Variants in CBL observed in about 807,000 individuals in gnomAD.
CBL encodes the protein Cbl proto-oncogene, also known as E3 ubiquitin-protein ligase CBL.
Under a neutral mutation model 96.9 loss-of-function variants are expected in CBL, and 45 were observed. The ratio of observed to expected loss-of-function variants is 0.46; its 90% CI spans 0.37 to 0.60. CBL has a LOEUF of 0.60. Among genes scored for constraint, CBL ranks in the 20% least tolerant of loss-of-function variants. The pLI, the probability that CBL is intolerant of heterozygous loss-of-function variation, is 0.00. For missense variants in CBL, 1,024 were observed against 1,143.5 expected (o/e 0.90, Z 1.51); for synonymous variants, 420 against 426.8 (o/e 0.98, Z 0.20).
In CBL at chr11:119,212,116, T is replaced by G. The variant is rs1298136868; in HGVS notation, c.195+5504T>G. 1.2e-4 allele frequency among the ~76,000 whole-genome samples: 17 copies of G among 145,426 alleles called. No individual in the cohort carries two copies. The East Asian group carries it at 1.5e-3, about 13-fold the overall frequency. Reference sequence around the variant, plus strand: ...GTATTTTTAGTAGAGATGGGGTTTCTCCATGTTGGGCAGGCTGGTCTCGAA... The same window carrying G: ...GTATTTTTAGTAGAGATGGGGTTTCGCCATGTTGGGCAGGCTGGTCTCGAA... On this transcript the variant is annotated intron_variant, in intron 1 of 15. Transcript: ENST00000264033.
intron 1 of CBL, among the ~76,000 whole-genome samples, chr11:119,225,196 A>C (rs540206361): frequency 1.3e-5 from 2 of 152,002 alleles, no homozygotes; most frequent in Non-Finnish European, 2.9e-5. Context: ...TCCCGGGTTC[A>C]TGCAATTCTC....
intron 7 of CBL, 48 bp downstream of exon 7, chr11:119,277,892 G>A: frequency 1.6e-6 from 2 of 1,263,686 alleles, no homozygotes; most frequent in Non-Finnish European, 2.3e-6. Flanking sequence ...ACAAGCTTTA[G>A]TATATTCTTT....
intron 2 of CBL, 120 bp from the exon 3 acceptor site, chr11:119,271,615 A>G: frequency 1.2e-6 from 1 of 865,546 alleles, no homozygotes; most frequent in Non-Finnish European, 1.9e-6. Context: ...ATATTTGAAG[A>G]GGTTCTTTCT....
chr11:119,206,751 C>T (rs1949272754), intron 1 of CBL, 139 bp downstream of exon 1: 1 of 541,804 alleles, frequency 1.8e-6, no homozygotes, highest in Non-Finnish European at 2.6e-6. Flanking sequence ...GGGTGACCGG[C>T]CGGGGGCGTG....
At chr11:119,224,704 C>T (rs1285937001) in intron 1 of CBL, among the ~76,000 whole-genome samples, 4 of 151,012 alleles carry the variant, frequency 2.6e-5, no homozygotes, top group Admixed American at 1.3e-4. Flanking sequence ...GATTCTCCTG[C>T]GTCAGCCTCC....
At chr11:119,207,680 G>T (rs551936365) in intron 1 of CBL, among the ~76,000 whole-genome samples, 1 of 152,050 alleles carries the variant, frequency 6.6e-6, no homozygotes, top group Non-Finnish European at 1.5e-5. Flanking sequence ...AATTCAATAC[G>T]TTTTCTTGGT....
chr11:119,285,013 C>G lies in CBL; in HGVS notation c.1476C>G (p.Ser492=). The change falls in exon 10 of 16, where the codon TCC becomes TCG. Residue 492 remains serine, a synonymous_variant. Transcript: ENST00000264033. ...PSPFSMAPQA[S]LPPVPPRLDL... is the part of the protein sequence containing the mutation. ...CATTCTCCATGGCCCCACAAGCTTC[C>G]CTTCCCCCGGTGCCACCACGACTTG... 6.2e-7 allele frequency: 1 copy of G among 1,614,150 alleles called. No individual in the cohort carries two copies. Among genetic ancestry groups the G allele is most frequent in the Non-Finnish European group, 8.5e-7 (1 of 1,180,016 alleles).
rs1316940491 is a variant in CBL, at chr11:119,303,492, C to T, written c.*3711C>T. 4.3e-6 allele frequency: 1 copy of T among 233,574 alleles called. No individual in the cohort carries two copies. Among genetic ancestry groups the T allele is most frequent in the East Asian group, 6.0e-5 (1 of 16,596 alleles). The allele number at this position is 233,574 out of a possible 1,614,324, so 14.5% of individuals were successfully genotyped here. On this transcript the variant is annotated 3_prime_UTR_variant, in exon 16 of 16. Coordinates refer to ENST00000264033, the MANE Select transcript of CBL (RefSeq NM_005188.4). ...GATTGTACTTGGACTGTCATAGCCT[C>T]TGCGTTTGACCTTAAAATAGCTCTT...
chr11:119,253,153 G>A lies in CBL; in HGVS notation c.444-18582G>A, dbSNP rs186741341. ...ATTTCTCATTTCAAGTGTTCTCATA[G>A]TTTAATCATTTCAAAGTATAAACGT... On this transcript the variant is annotated intron_variant, in intron 2 of 15. Transcript: ENST00000264033. Among the ~76,000 whole-genome samples the A allele has an allele frequency of 1.7e-3, 266 of 152,138 alleles. 1 individual carries two copies. The highest frequency in any genetic ancestry group is 6.1e-3 in the African/African-American group (253 of 41,518).
rs1950127603 is a variant in CBL at position 119,305,363 on chromosome 11, T to C, written c.*5582T>C. On this transcript the variant is annotated 3_prime_UTR_variant, in exon 16 of 16. Coordinates refer to ENST00000264033, the MANE Select transcript of CBL (RefSeq NM_005188.4). The stretch of plus-strand genomic sequence containing the variant: ...CCATTCAGCCTCAGGTCTTTTGCCT[T>C]CTTCCGTGTTTATTTAGAGAGCAGA... 3 of 231,726 alleles carry C rather than the reference T, an allele frequency of 1.3e-5. No homozygotes were observed. Among genetic ancestry groups the C allele is most frequent in the South Asian group, 3.6e-4 (2 of 5,524 alleles). 14.4% of individuals were successfully genotyped at this position (231,726 alleles called of 1,614,324 possible). A position where few individuals can be genotyped will look rare whatever the true frequency, so the allele number is the denominator to read the frequency against.
chr11:119,211,146 C>T (rs548602008), intron 1 of CBL, among the ~76,000 whole-genome samples: 3 of 151,992 alleles, frequency 2.0e-5, no homozygotes, highest in African/African-American at 4.8e-5. Flanking sequence ...CCGAGGCAAG[C>T]GGATCATCTG....
rs940904459 is a variant in CBL, at chr11:119,240,408, G to A, written c.443+7713G>A. ...AGGATTGAAATGTTGCCAGGACTCT[G>A]TCTGTTCTCTTTGATTCTTCTGGTA... On this transcript the variant is annotated intron_variant, in intron 2 of 15. Coordinates refer to ENST00000264033, the MANE Select transcript of CBL (RefSeq NM_005188.4). Among the ~76,000 whole-genome samples the A allele has an allele frequency of 3.9e-5, 6 of 152,320 alleles. No homozygotes were observed. The South Asian group carries it at 1.0e-3, about 26-fold the overall frequency.
Position 119,306,587 on chromosome 11 carries a change from T to C in CBL, c.*6806T>C, listed in dbSNP as rs776910322. 45 of 385,624 alleles carry C rather than the reference T, an allele frequency of 1.2e-4. No individual in the cohort carries two copies. The highest frequency in any genetic ancestry group is 3.7e-5 in the Non-Finnish European group (8 of 218,018). 23.9% of individuals were successfully genotyped at this position (385,624 alleles called of 1,614,324 possible). On this transcript the variant is annotated 3_prime_UTR_variant, in exon 16 of 16. Transcript: ENST00000264033. The stretch of plus-strand genomic sequence containing the variant: ...CCTCCTCTCTACCTACCTCTGACCT[T>C]CTTGTGGGTGAGGGTGGCCATGCTT...
chr11:119,226,651 T>A (rs1259320177), intron 1 of CBL, among the ~76,000 whole-genome samples: 1 of 152,082 alleles, frequency 6.6e-6, no homozygotes, highest in Non-Finnish European at 1.5e-5. Context: ...AGAGACGGAA[T>A]TTCACCATGT....
At chr11:119,242,804 TGCAAAAGTG>T (rs1220332741) in intron 2 of CBL, among the ~76,000 whole-genome samples, 3 of 151,816 alleles carry the variant, frequency 2.0e-5, no homozygotes, top group Non-Finnish European at 2.9e-5. Flanking sequence ...TCTTTTGGCT[TGCAAAAGTG>T]GCAAAAATGG....
chr11:119,230,939 C>T (rs1393923354), intron 1 of CBL, among the ~76,000 whole-genome samples: 1 of 152,188 alleles, frequency 6.6e-6, no homozygotes, highest in African/African-American at 2.4e-5. Context: ...TAAATTCTAT[C>T]TATATGATCT....
intron 2 of CBL, among the ~76,000 whole-genome samples, chr11:119,256,265 C>T (rs556392921): frequency 6.6e-6 from 1 of 151,246 alleles, no homozygotes; most frequent in African/African-American, 2.4e-5. Context: ...GATCTCGACT[C>T]ACTGCAACCT....
intron 9 of CBL, among the ~76,000 whole-genome samples, chr11:119,280,148 T>C (rs1949922256): frequency 6.6e-6 from 1 of 152,256 alleles, no homozygotes. Context: ...TTCCTTTTAA[T>C]GAACATTCAT....
At chr11:119,275,016 G>A (rs1949877819) in intron 5 of CBL, 63 bp downstream of exon 5, 2 of 1,564,356 alleles carry the variant, frequency 1.3e-6, no homozygotes, top group Admixed American at 1.7e-5. Context: ...ACTTCTGCTA[G>A]TATAGAAGAA....
Sources: gnomAD v4.1 joint callset for allele counts (sites outside exome capture counted in the v4.1 genomes callset) on GRCh38, gnomAD v4.1.1 for gene constraint, MANE v1.5 for transcripts, NCBI Gene and HGNC (gene_info 2026-07-23, HGNC 2026-07-21) for gene names.